The following GAP43 variants were observed in gnomAD, a reference collection of about 807,000 sequenced individuals.
GAP43 encodes neuromodulin.
In GAP43, 6 loss-of-function variants were observed where a neutral mutation model predicts 18.6. That is an observed-to-expected ratio of 0.32 (90% CI 0.18 to 0.64). GAP43 has a LOEUF of 0.64. Among genes scored for constraint, GAP43 ranks in the 30% least tolerant of loss-of-function variants. The pLI, the probability that GAP43 is intolerant of heterozygous loss-of-function variation, is 0.78. For synonymous variants in GAP43, 115 were observed against 111.4 expected (o/e 1.03, Z -0.20); for missense variants, 292 against 295.5 (o/e 0.99, Z 0.09).
rs148477805 is a variant in GAP43, at chr3:115,627,909, G to A, written c.30+4190G>A. 1.1e-3 allele frequency among the ~76,000 whole-genome samples: 172 copies of A among 152,220 alleles called. 5 individuals are homozygous for A. Among genetic ancestry groups the A allele is most frequent in the African/African-American group, 3.7e-3 (154 of 41,530 alleles). On this transcript the variant is annotated intron_variant, in intron 1 of 2. Coordinates refer to ENST00000305124, the MANE Select transcript of GAP43 (RefSeq NM_002045.4). The stretch of plus-strand genomic sequence containing the variant: ...ATTATACTGTGAGTCCTTAGTGGAG[G>A]CCACTTACTGACTGTGAGCTTTAAT...
chr3:115,690,004 C>T (rs540477388), intron 2 of GAP43, among the ~76,000 whole-genome samples: 25 of 152,336 alleles, frequency 1.6e-4, no homozygotes, highest in Admixed American at 1.2e-3. Context: ...CCGTGGTTTT[C>T]TTGTAGCTCT....
Position 115,721,046 on chromosome 3 carries a change from TTAA to T in GAP43, c.*165_*167del. The T allele has an allele frequency of 5.9e-6, 2 of 337,760 alleles. No homozygotes were observed. 20.9% of individuals were successfully genotyped at this position (337,760 alleles called of 1,614,324 possible). A position where few individuals can be genotyped will look rare whatever the true frequency, so the allele number is the denominator to read the frequency against. On this transcript the variant is annotated 3_prime_UTR_variant, in exon 3 of 3. Coordinates refer to ENST00000305124, the MANE Select transcript of GAP43 (RefSeq NM_002045.4). ...CTCTTTCTCTCTGTGTGGCAAACATTTAAAAAAAAAAAAAAAAAGCAGGAAAGA... is the reference window on the plus strand; with the variant it reads ...CTCTTTCTCTCTGTGTGGCAAACATTAAAAAAAAAAAAAAAGCAGGAAAGA...
At chr3:115,712,886 A>T (rs559276000) in intron 2 of GAP43, among the ~76,000 whole-genome samples, 11 of 152,186 alleles carry the variant, frequency 7.2e-5, no homozygotes, top group Non-Finnish European at 1.3e-4. Context: ...GTATAGTGTT[A>T]TTAGCAAAAA....
At chr3:115,692,800 A>C (rs751924535) in intron 2 of GAP43, among the ~76,000 whole-genome samples, 1 of 152,198 alleles carries the variant, frequency 6.6e-6, no homozygotes, top group Non-Finnish European at 1.5e-5. Context: ...AGTGTACACA[A>C]AGCACAATCC....
At chr3:115,643,674 C>T (rs935834100) in intron 1 of GAP43, among the ~76,000 whole-genome samples, 9 of 151,924 alleles carry the variant, frequency 5.9e-5, no homozygotes, top group Admixed American at 3.3e-4. Flanking sequence ...TCTCTCATTA[C>T]CCTATGTAAA....
chr3:115,672,613 A>G (rs1192956255), intron 1 of GAP43, among the ~76,000 whole-genome samples: 3 of 152,116 alleles, frequency 2.0e-5, no homozygotes, highest in Non-Finnish European at 4.4e-5. Flanking sequence ...ATTAACTTAA[A>G]ATATTTTTAT....
At chr3:115,643,724 G>A (rs1431304051) in intron 1 of GAP43, among the ~76,000 whole-genome samples, 1 of 151,692 alleles carries the variant, frequency 6.6e-6, no homozygotes, top group Non-Finnish European at 1.5e-5. Context: ...GTCCCCTTTT[G>A]TTCTCTTTCA....
At chr3:115,717,802 T>A (rs1709529575) in intron 2 of GAP43, among the ~76,000 whole-genome samples, 2 of 152,108 alleles carry the variant, frequency 1.3e-5, no homozygotes, top group South Asian at 2.1e-4. Context: ...AAAATGAATA[T>A]ATATTGAGGC....
intron 2 of GAP43, among the ~76,000 whole-genome samples, chr3:115,715,019 A>G (rs824344): frequency 0.048 from 7,349 of 152,132 alleles, 583 homozygotes; most frequent in African/African-American, 0.17. Context: ...CACATGGTAG[A>G]AGAGACTAGC....
chr3:115,698,923 T>C (rs926718006), intron 2 of GAP43, among the ~76,000 whole-genome samples: 1 of 152,154 alleles, frequency 6.6e-6, no homozygotes, highest in African/African-American at 2.4e-5. Context: ...GCCCAACCCT[T>C]ACGTATGACA....
intron 1 of GAP43, among the ~76,000 whole-genome samples, chr3:115,672,021 G>A (rs998496100): frequency 6.6e-6 from 1 of 152,180 alleles, no homozygotes; most frequent in African/African-American, 2.4e-5. Flanking sequence ...CTTAACATAG[G>A]CACTGAGTAT....
intron 1 of GAP43, among the ~76,000 whole-genome samples, chr3:115,656,243 G>T (rs1429208462): frequency 1.3e-5 from 2 of 152,194 alleles, no homozygotes. Flanking sequence ...GGTCATTTGT[G>T]TGGGATAGCG....
chr3:115,651,440 T>C (rs996245117), intron 1 of GAP43, among the ~76,000 whole-genome samples: 2 of 152,226 alleles, frequency 1.3e-5, no homozygotes, highest in Admixed American at 6.5e-5. Context: ...TTTGGCAAGA[T>C]AAATTTTACT....
At chr3:115,682,111 A>G (rs1023243620) in intron 2 of GAP43, among the ~76,000 whole-genome samples, 1 of 152,238 alleles carries the variant, frequency 6.6e-6, no homozygotes, top group Non-Finnish European at 1.5e-5. Flanking sequence ...AGTAACTACT[A>G]TAATTCCTGA....
chr3:115,642,021 G>C (rs943381178), intron 1 of GAP43, among the ~76,000 whole-genome samples: 10 of 151,964 alleles, frequency 6.6e-5, no homozygotes, highest in Admixed American at 4.6e-4. Context: ...GATGTTAGGA[G>C]GTTTTATGCT....
chr3:115,660,764 C>G (rs1708647958), intron 1 of GAP43, among the ~76,000 whole-genome samples: 1 of 152,180 alleles, frequency 6.6e-6, no homozygotes, highest in South Asian at 2.1e-4. Context: ...GGCGGGGTGA[C>G]AGTCTGCATT....
chr3:115,637,505 C>G (rs528092660), intron 1 of GAP43, among the ~76,000 whole-genome samples: 2 of 152,144 alleles, frequency 1.3e-5, no homozygotes, highest in East Asian at 3.9e-4. Flanking sequence ...CCACCTACAC[C>G]TTTGGTTGCA....
chr3:115,718,285 A>G (rs1284036890), intron 2 of GAP43, among the ~76,000 whole-genome samples: 1 of 152,202 alleles, frequency 6.6e-6, no homozygotes, highest in Non-Finnish European at 1.5e-5. Flanking sequence ...AGGATGGTAA[A>G]CTACCTTGGG....
chr3:115,713,842 T>C (rs983532624), intron 2 of GAP43, among the ~76,000 whole-genome samples: 2 of 152,224 alleles, frequency 1.3e-5, no homozygotes, highest in African/African-American at 4.8e-5. Context: ...TTCTTAGGAA[T>C]TGTGGTTGTG....
Sources: gnomAD v4.1 joint callset for allele counts (sites outside exome capture counted in the v4.1 genomes callset) on GRCh38, gnomAD v4.1.1 for gene constraint, MANE v1.5 for transcripts, NCBI Gene and HGNC (gene_info 2026-07-23, HGNC 2026-07-21) for gene names.